Variants in KRT12 observed in about 807,000 individuals in gnomAD.
The protein encoded by KRT12 is keratin, type I cytoskeletal 12.
KRT12 carries 43 observed loss-of-function variants against 50.2 expected under a neutral mutation model. The observed-to-expected ratio is 0.86, with a 90% confidence interval of 0.67 to 1.11. The LOEUF is 1.11. KRT12 is among the 50% of genes least tolerant of loss of function. The pLI is 0.00. For synonymous variants in KRT12, 257 were observed against 253.6 expected (o/e 1.01, Z -0.13); for missense variants, 588 against 625.6 (o/e 0.94, Z 0.64).
Position 40,866,986 on chromosome 17 carries a change from G to A in KRT12, c.201C>T (p.Ser67=), listed in dbSNP as rs773057627. The A allele has an allele frequency of 1.4e-5, 23 of 1,597,030 alleles. No individual in the cohort carries two copies. Among genetic ancestry groups the A allele is most frequent in the Non-Finnish European group, 2.0e-5 (23 of 1,172,416 alleles). The change falls in exon 1 of 8, where the codon TCC becomes TCT. Residue 67 remains serine (S), a synonymous_variant. Coordinates refer to ENST00000251643, the MANE Select transcript of KRT12 (RefSeq NM_000223.4). ...FSAASMFGSS[S]GFGGGSGSSM... ...AACTTCCGGAGCCACCCCCAAAGCC[G>A]GAACTAGAACCAAACATGGAAGCAG...
chr17:40,862,967 C>T, intron 6 of KRT12, 156 bp downstream of exon 6: 1 of 716,098 alleles, frequency 1.4e-6, no homozygotes, highest in South Asian at 1.6e-5. Flanking sequence ...AAACACTTTG[C>T]AAAGTGTAGA....
rs1414164745 is a variant in KRT12 at position 40,866,587 on chromosome 17, A to G, written c.567+33T>C. On this transcript the variant is annotated intron_variant, in intron 1 of 7. Coordinates refer to ENST00000251643, the MANE Select transcript of KRT12 (RefSeq NM_000223.4). The stretch of plus-strand genomic sequence containing the variant: ...ATTGTAATGGTAAAAAGGAAAAAAA[A>G]AATTCCCAAAGCGCCTCCAAAAGAG... The G allele has an allele frequency of 3.8e-6, 6 of 1,585,100 alleles. No individual in the cohort carries two copies. The Admixed American group carries it at 1.0e-4, about 27-fold the overall frequency.
intron 7 of KRT12, 34 bp from the exon 8 acceptor site, chr17:40,861,792 TA>T: frequency 7.3e-7 from 1 of 1,372,770 alleles, no homozygotes; most frequent in Non-Finnish European, 1.0e-6. Flanking sequence ...GGGCAAGAGT[TA>T]GTGTTTCAAA....
rs755123849 is a variant in KRT12 at position 40,866,644 on chromosome 17, T to C, written c.543A>G (p.Pro181=). ...ASQSDYSKYY[P]LIEDLRNKII... ...CCTTATTCCTGAGGTCTTCAATCAG[T>C]GGATAATATTTGCTGTAATCGCTCT... The change falls in exon 1 of 8, where the codon CCA becomes CCG. Residue 181 remains proline, a synonymous_variant. Coordinates refer to ENST00000251643, the MANE Select transcript of KRT12 (RefSeq NM_000223.4). 6.2e-7 allele frequency: 1 copy of C among 1,614,124 alleles called. No individual in the cohort carries two copies. The highest frequency in any genetic ancestry group is 1.1e-5 in the South Asian group (1 of 91,082).
chr17:40,864,587 C>G (rs551532747), intron 3 of KRT12, among the ~76,000 whole-genome samples: 2 of 152,080 alleles, frequency 1.3e-5, no homozygotes, highest in African/African-American at 4.8e-5. Flanking sequence ...ATTTGTTGAG[C>G]CTTAGCAGGA....
At chr17:40,862,532 C>G in intron 7 of KRT12, 33 bp downstream of exon 7, 1 of 1,479,800 alleles carries the variant, frequency 6.8e-7, no homozygotes, top group Non-Finnish European at 9.5e-7. Context: ...GTGATTCCGA[C>G]TTATTCTAAG....
chr17:40,861,785 C>A (rs1015226671), intron 7 of KRT12, 27 bp from the exon 8 acceptor site: 1 of 1,431,342 alleles, frequency 7.0e-7, no homozygotes, highest in African/African-American at 1.4e-5. Context: ...AATAAGGGGG[C>A]AAGAGTTAGT....
In KRT12 at chr17:40,866,185, G is replaced by T. The variant is rs978113022; in HGVS notation, c.620C>A (p.Ala207Glu). The change falls in exon 2 of 8, where the codon GCG (alanine) becomes GAG (glutamate). Residue 207 changes from alanine (A) to glutamate (E), a missense_variant. By Grantham distance (107) the Ala-to-Glu change is moderately radical. Coordinates refer to ENST00000251643, the MANE Select transcript of KRT12 (RefSeq NM_000223.4). ...NAQLLLQIDNARLAAEDFRMK... is the reference protein window; with the variant it reads ...NAQLLLQIDNERLAAEDFRMK... ...CCTGAAGTCCTCAGCAGCTAGTCTC[G>T]CATTGTCAATCTGCAAGAGGAGCTG... The T allele has an allele frequency of 6.2e-7, 1 of 1,613,976 alleles. No homozygotes were observed. Among genetic ancestry groups the T allele is most frequent in the African/African-American group, 1.3e-5 (1 of 75,040 alleles).
intron 2 of KRT12, among the ~76,000 whole-genome samples, chr17:40,865,178 A>T (rs1369988334): frequency 1.3e-5 from 2 of 152,216 alleles, no homozygotes; most frequent in East Asian, 3.8e-4. Context: ...TGAATAAATT[A>T]TAAGGCAATA....
chr17:40,863,573 T>C lies in KRT12; in HGVS notation c.1007A>G (p.Glu336Gly). 6.2e-7 allele frequency: 1 copy of C among 1,614,222 alleles called. No homozygotes were observed. The highest frequency in any genetic ancestry group is 8.5e-7 in the Non-Finnish European group (1 of 1,180,044). ...ELRKEISTNTEQLQSSKSEVT... is the reference protein window; with the variant it reads ...ELRKEISTNTGQLQSSKSEVT... ...CTCGCTCTTGCTGGACTGAAGCTGC[T>C]CGGTGTTGGTGCTAATCTCCTTACG... The change falls in exon 5 of 8, where the codon GAG becomes GGG. Residue 336 changes from glutamate (E) to glycine (G), a missense_variant. Transcript: ENST00000251643. This position sits in a 1 kb window ranked among gnomAD's most constrained non-coding sequence, Gnocchi z 4.2.
In KRT12 at chr17:40,863,683, G is replaced by A. The variant is rs1192934595; in HGVS notation, c.969+20C>T. The A allele has an allele frequency of 6.2e-7, 1 of 1,614,066 alleles. No individual in the cohort carries two copies. The highest frequency in any genetic ancestry group is 8.5e-7 in the Non-Finnish European group (1 of 1,180,054). ...CAGGCCTTTCTGTGAATGTATCAAA[G>A]CCTTTGTTGTTTGTGTTACCTTTTC... On this transcript the variant is annotated intron_variant, in intron 4 of 7. Coordinates refer to ENST00000251643, the MANE Select transcript of KRT12 (RefSeq NM_000223.4). This position sits in a 1 kb window ranked among gnomAD's most constrained non-coding sequence, Gnocchi z 4.2.
Position 40,862,572 on chromosome 17 carries a change from GGAAT to G in KRT12, c.1376_1379del (p.Asp459AlafsTer19), listed in dbSNP as rs1262260615. Reference sequence around the variant, plus strand: ...TCTAGGGTTTCTGCATACCTTTAGAGGAATCAGTTGACTGTGCTTGTGATTTGGA... The same window carrying G: ...TCTAGGGTTTCTGCATACCTTTAGAGCAGTTGACTGTGCTTGTGATTTGGA... On this transcript the variant is annotated frameshift_variant, in exon 7 of 8. Transcript: ENST00000251643. LOFTEE classifies it high-confidence loss of function. 4 of 1,610,416 alleles carry G rather than the reference GGAAT, an allele frequency of 2.5e-6. No individual in the cohort carries two copies. The East Asian group carries it at 8.9e-5, about 36-fold the overall frequency.
chr17:40,866,482 A>G (rs754852306), intron 1 of KRT12, 138 bp downstream of exon 1: 1 of 799,426 alleles, frequency 1.3e-6, no homozygotes, highest in Non-Finnish European at 2.0e-6. Context: ...GTGGAGTGAA[A>G]CAACCTGGGA....
At position 40,863,146 on chromosome 17, in the gene KRT12, G is replaced by T. The variant is rs778760078; in HGVS notation, c.1293C>A (p.Arg431=). 6.2e-7 allele frequency: 1 copy of T among 1,614,112 alleles called. No homozygotes were observed. Among genetic ancestry groups the T allele is most frequent in the Non-Finnish European group, 8.5e-7 (1 of 1,179,986 alleles). ...ACCCTTGGGCCTCCCCGTCCAGCAG[G>T]CGGCGGTAGGTCTCAATCTCCAGCT... The part of the protein sequence containing the change: ...RLELEIETYR[R]LLDGEAQGDG... The change falls in exon 6 of 8, where the codon CGC becomes CGA. Residue 431 remains arginine (R), a synonymous_variant. Transcript: ENST00000251643. The surrounding 1 kb of genome is among the most constrained non-coding windows in gnomAD (Gnocchi z 4.2).
chr17:40,863,242 G>T lies in KRT12; in HGVS notation c.1197C>A (p.Leu399=). Residue 399 remains leucine (L), a synonymous_variant, in exon 6 of 8, where the codon CTC becomes CTA. Transcript: ENST00000251643. This position sits in a 1 kb window ranked among gnomAD's most constrained non-coding sequence, Gnocchi z 4.2. ...QLISNLEAQL[L]QVRADAERQN... is the part of the protein sequence containing the mutation. Reference sequence around the variant, plus strand: ...GGCGCTCTGCGTCCGCGCGCACCTGGAGCAGCTGTGCCTCCAGGTTGCTGA... The same window carrying T: ...GGCGCTCTGCGTCCGCGCGCACCTGTAGCAGCTGTGCCTCCAGGTTGCTGA... The T allele has an allele frequency of 6.2e-7, 1 of 1,613,940 alleles. No homozygotes were observed.
chr17:40,866,305 T>C, intron 1 of KRT12, 68 bp from the exon 2 acceptor site: 2 of 1,273,206 alleles, frequency 1.6e-6, no homozygotes, highest in Middle Eastern at 1.8e-4. Flanking sequence ...AATATATTTT[T>C]GACACAAAGG....
rs769045211 is a variant in KRT12, at chr17:40,863,077, C to T, written c.1316+46G>A. The T allele has an allele frequency of 7.8e-6, 12 of 1,529,468 alleles. No individual in the cohort carries two copies. In the East Asian group the frequency reaches 2.2e-4, roughly 29 times the overall value. 94.7% of individuals were successfully genotyped at this position (1,529,468 alleles called of 1,614,324 possible). Reference sequence around the variant, plus strand: ...ATTCCTTCTATTTCTGCTGCCCACTCTTGGTCAGCCCCTGAAGGTGTTTAC... The same window carrying T: ...ATTCCTTCTATTTCTGCTGCCCACTTTTGGTCAGCCCCTGAAGGTGTTTAC... On this transcript the variant is annotated intron_variant, in intron 6 of 7. Coordinates refer to ENST00000251643, the MANE Select transcript of KRT12 (RefSeq NM_000223.4). This position sits in a 1 kb window ranked among gnomAD's most constrained non-coding sequence, Gnocchi z 4.2.
chr17:40,864,868 G>C lies in KRT12; in HGVS notation c.745C>G (p.Leu249Val). Residue 249 changes from leucine (L) to valine (V), a missense_variant, in exon 3 of 8, where the codon CTG becomes GTG. By Grantham distance (32) the Leu-to-Val change is conservative. Coordinates refer to ENST00000251643, the MANE Select transcript of KRT12 (RefSeq NM_000223.4). ...TTCAGGCTCTCGATCTGCATCTCCA[G>C]GTCGGTCCTGGTCAGGGTCAGCTCG... ...LDELTLTRTD[L>V]EMQIESLNEE... 1 of 1,614,222 alleles carries C rather than the reference G, an allele frequency of 6.2e-7. No homozygotes were observed. Among genetic ancestry groups the C allele is most frequent in the Non-Finnish European group, 8.5e-7 (1 of 1,180,042 alleles).
intron 2 of KRT12, 40 bp downstream of exon 2, chr17:40,866,115 T>A (rs1472089808): frequency 1.4e-6 from 2 of 1,443,028 alleles, no homozygotes; most frequent in Admixed American, 3.3e-5. Flanking sequence ...ACAGAAGACA[T>A]GGTGGGACAC....
Sources: gnomAD v4.1 joint callset for allele counts (sites outside exome capture counted in the v4.1 genomes callset) on GRCh38, gnomAD v4.1.1 for gene constraint, Gnocchi (gnomAD v3.1) non-coding constraint, MANE v1.5 for transcripts, NCBI Gene and HGNC (gene_info 2026-07-23, HGNC 2026-07-21) for gene names.